Variants in GLI2 observed in about 807,000 individuals in gnomAD.
GLI2 encodes the protein GLI family zinc finger 2, also known as transcription activator GLI2.
A neutral mutation model predicts 78.9 loss-of-function variants in GLI2; 22 were observed. That is an observed-to-expected ratio of 0.28 (90% CI 0.20 to 0.40). The LOEUF is 0.40. Among genes scored for constraint, GLI2 ranks in the 10% least tolerant of loss-of-function variants. The pLI is 1.00. For missense variants in GLI2, 2,097 were observed against 2,213.2 expected (o/e 0.95, Z 1.05); for synonymous variants, 974 against 963.7 (o/e 1.01, Z -0.20).
intron 2 of GLI2, among the ~76,000 whole-genome samples, chr2:120,885,584 G>A (rs1677356812): frequency 1.3e-5 from 2 of 152,236 alleles, no homozygotes; most frequent in African/African-American, 4.8e-5. Flanking sequence ...CTGGGGCGGG[G>A]CAGCTATAGC....
At chr2:120,814,134 T>C (rs964662181) in intron 2 of GLI2, among the ~76,000 whole-genome samples, 3 of 152,014 alleles carry the variant, frequency 2.0e-5, no homozygotes, top group Admixed American at 6.6e-5. Context: ...GAGGGTTCCT[T>C]TTGCACTCCA....
chr2:120,975,200 G>C, intron 9 of GLI2, 91 bp downstream of exon 9: 1 of 1,291,720 alleles, frequency 7.7e-7, no homozygotes, highest in Middle Eastern at 2.2e-4. Flanking sequence ...CTAGACAGAA[G>C]GGGCTGGAGG....
chr2:120,921,158 T>A (rs1679359018), intron 2 of GLI2, among the ~76,000 whole-genome samples: 1 of 152,130 alleles, frequency 6.6e-6, no homozygotes, highest in African/African-American at 2.4e-5. Flanking sequence ...TCCGTGCTGG[T>A]CTGAAAGAGA....
At chr2:120,926,072 C>CAAA (rs35224973) in intron 2 of GLI2, among the ~76,000 whole-genome samples, 632 of 63,160 alleles carry the variant, frequency 0.01, 134 homozygotes, top group African/African-American at 0.041. Context: ...GACTCCGTCT[C>CAAA]AAAAAAAAAA....
At chr2:120,898,216 A>ACACACACACACAC (rs1558867030) in intron 2 of GLI2, among the ~76,000 whole-genome samples, 20 of 151,196 alleles carry the variant, frequency 1.3e-4, no homozygotes, top group African/African-American at 4.6e-4. Context: ...ACACACACAC[A>ACACACACACACAC]AAATGATTGT....
In GLI2 at chr2:120,988,450, C is replaced by T; in HGVS notation, c.2485C>T (p.Pro829Ser). Residue 829 changes from proline (P) to serine (S), a missense_variant, in exon 14 of 14, where the codon CCG (proline) becomes TCG (serine). Around this residue, in one of 5 missense-constraint regions of GLI2, gnomAD observed 1,290 missense variants for 1,261.7 expected, o/e 1.02. Transcript: ENST00000361492. Reference protein sequence around the residue: ...SEASPLGAGRPHNASSADSYD... With the variant: ...SEASPLGAGRSHNASSADSYD... ...GGCCTCGCCCCTGGGCGCCGGCCGC[C>T]CGCACAACGCGAGCTCCGCTGACTC... 6.4e-7 allele frequency: 1 copy of T among 1,570,296 alleles called. No individual in the cohort carries two copies. The highest frequency in any genetic ancestry group is 8.6e-7 in the Non-Finnish European group (1 of 1,167,884).
intron 11 of GLI2, 111 bp from the exon 12 acceptor site, chr2:120,984,360 C>T (rs1682864991): frequency 8.7e-7 from 1 of 1,145,598 alleles, no homozygotes. Flanking sequence ...CTGACGTTGC[C>T]AGCTGGGCTC....
chr2:120,816,310 C>T (rs1035705205), intron 2 of GLI2, among the ~76,000 whole-genome samples: 9 of 151,808 alleles, frequency 5.9e-5, no homozygotes, highest in African/African-American at 2.2e-4. Context: ...ATTCTCCTGC[C>T]TCAGCCTCCT....
chr2:120,990,766 G>C lies in GLI2; in HGVS notation c.*91G>C. 8.9e-7 allele frequency: 1 copy of C among 1,128,256 alleles called. No individual in the cohort carries two copies. The allele number at this position is 1,128,256 out of a possible 1,614,324, so 69.9% of individuals were successfully genotyped here. A position where few individuals can be genotyped will look rare whatever the true frequency, so the allele number is the denominator to read the frequency against. On this transcript the variant is annotated 3_prime_UTR_variant, in exon 14 of 14. Coordinates refer to ENST00000361492, the MANE Select transcript of GLI2 (RefSeq NM_001374353.1). ...AGCTGTCTTGTCTTTTTCCAAAAAA[G>C]TGTTAAATAGGCTTGAGGGGTTGTT...
chr2:120,966,020 T>A (rs1393175963), intron 5 of GLI2, among the ~76,000 whole-genome samples: 1 of 152,154 alleles, frequency 6.6e-6, no homozygotes, highest in African/African-American at 2.4e-5. Flanking sequence ...CATAGCCCAA[T>A]AGAATAAACA....
rs192415864 is a variant in GLI2, at chr2:120,831,220, C to A, written c.148+33752C>A. ...CTGGGAGGTTGGCCCTGTCCCGATG[C>A]CTGGCCCTTCTTCTGCCAAAGGCAT... On this transcript the variant is annotated intron_variant, in intron 2 of 13. Transcript: ENST00000361492. Among the ~76,000 whole-genome samples the A allele has an allele frequency of 7.9e-5, 12 of 152,276 alleles. No individual in the cohort carries two copies. In the East Asian group the frequency reaches 2.3e-3, roughly 29 times the overall value.
chr2:120,970,687 G>T, intron 7 of GLI2, 81 bp downstream of exon 7: 1 of 1,201,528 alleles, frequency 8.3e-7, no homozygotes, highest in Non-Finnish European at 1.2e-6. Flanking sequence ...CTCATGCTAA[G>T]AACTTGTGGA....
intron 3 of GLI2, among the ~76,000 whole-genome samples, chr2:120,949,396 G>A (rs748182811): frequency 1.3e-5 from 2 of 152,254 alleles, no homozygotes; most frequent in Non-Finnish European, 2.9e-5. Flanking sequence ...GTACCTCTGA[G>A]CACCTGCATG....
At chr2:120,765,376 G>T (rs1266979062) in intron 1 of GLI2, among the ~76,000 whole-genome samples, 1 of 152,254 alleles carries the variant, frequency 6.6e-6, no homozygotes, top group East Asian at 1.9e-4. Context: ...TCATGCCTTT[G>T]CATGAGGCCA....
Position 120,989,300 on chromosome 2 carries a change from T to C in GLI2, c.3335T>C (p.Leu1112Ser), listed in dbSNP as rs562657085. 2.5e-6 allele frequency: 4 copies of C among 1,613,088 alleles called. No homozygotes were observed. The South Asian group carries it at 4.4e-5, about 18-fold the overall frequency. ...GCCCCTATGCTGGGAGGATGCCAGT[T>C]AGGCTTTGGGGCGCCCTCCAGCCTG... ...PSAPMLGGCQ[L>S]GFGAPSSLNK... Residue 1112 changes from leucine (L) to serine (S), a missense_variant, in exon 14 of 14, where the codon TTA becomes TCA. Leu to Ser is a moderately radical substitution (Grantham distance 145, BLOSUM62 -2). Around this residue, in one of 5 missense-constraint regions of GLI2, gnomAD observed 1,290 missense variants for 1,261.7 expected, o/e 1.02. Transcript: ENST00000361492.
chr2:120,961,149 G>T (rs556869092), intron 5 of GLI2, among the ~76,000 whole-genome samples: 12 of 152,268 alleles, frequency 7.9e-5, no homozygotes, highest in South Asian at 2.1e-4. Context: ...CTGAAATGTT[G>T]TCTGTTTACT....
intron 10 of GLI2, among the ~76,000 whole-genome samples, chr2:120,981,345 T>A (rs529472277): frequency 6.6e-6 from 1 of 152,352 alleles, no homozygotes; most frequent in African/African-American, 2.4e-5. Context: ...TGGGTTTCTT[T>A]CTGAACTGCC....
Position 120,800,629 on chromosome 2 carries a change from C to G in GLI2, c.148+3161C>G, listed in dbSNP as rs1285896996. Among the ~76,000 whole-genome samples the G allele has an allele frequency of 9.5e-6, 1 of 105,148 alleles. No individual in the cohort carries two copies. Among genetic ancestry groups the G allele is most frequent in the East Asian group, 3.6e-4 (1 of 2,748 alleles). The allele number at this position is 105,148 out of a possible 152,430, so 69.0% of individuals were successfully genotyped here. A position where few individuals can be genotyped will look rare whatever the true frequency, so the allele number is the denominator to read the frequency against. On this transcript the variant is annotated intron_variant, in intron 2 of 13. Transcript: ENST00000361492. The surrounding 1 kb of genome is among the most constrained non-coding windows in gnomAD (Gnocchi z 4.1). ...CACGCCATTCTCCTGCCTCAGCCTC[C>G]CAGTAGCTGGGACTACAGGCACCCG...
intron 2 of GLI2, among the ~76,000 whole-genome samples, chr2:120,926,472 T>C (rs1679683425): frequency 6.6e-6 from 1 of 152,160 alleles, no homozygotes; most frequent in Non-Finnish European, 1.5e-5. Context: ...AACTTAACCC[T>C]GCTTCCCACT....
Sources: allele counts gnomAD v4.1 joint callset (sites outside exome capture counted in the v4.1 genomes callset), GRCh38; gene constraint gnomAD v4.1.1; regional missense constraint gnomAD v4.1.1; non-coding constraint Gnocchi (gnomAD v3.1); transcripts MANE v1.5; gene names NCBI Gene and HGNC (gene_info 2026-07-23, HGNC 2026-07-21).